Variants in VAV3 observed in about 807,000 individuals in gnomAD.
VAV3 encodes the protein guanine nucleotide exchange factor VAV3.
VAV3 carries 94 observed loss-of-function variants against 131.2 expected under a neutral mutation model. The observed-to-expected ratio is 0.72, with a 90% CI of 0.61 to 0.85. The LOEUF is 0.85. Ranked by LOEUF, VAV3 falls within the 40% of genes least tolerant of loss-of-function variation. The pLI, the probability that VAV3 is intolerant of heterozygous loss-of-function variation, is 0.00. For missense variants in VAV3, 939 were observed against 1,002.7 expected (o/e 0.94, Z 0.86); for synonymous variants, 349 against 342.0 (o/e 1.02, Z -0.22).
intron 17 of VAV3, 88 bp from the exon 18 acceptor site, chr1:107,688,494 A>G: frequency 6.3e-7 from 1 of 1,592,816 alleles, no homozygotes; most frequent in Non-Finnish European, 8.6e-7. Context: ...GTGGTAAAAC[A>G]CCACTGCTTT....
chr1:107,607,519 T>C (rs1463489521), intron 22 of VAV3, among the ~76,000 whole-genome samples: 1 of 152,132 alleles, frequency 6.6e-6, no homozygotes, highest in Non-Finnish European at 1.5e-5. Flanking sequence ...CTAGGCTTGA[T>C]CTTTCCAAAT....
intron 11 of VAV3, among the ~76,000 whole-genome samples, chr1:107,755,840 G>A (rs1664071328): frequency 6.6e-6 from 1 of 152,124 alleles, no homozygotes; most frequent in Admixed American, 6.5e-5. Flanking sequence ...GAAATTCCAA[G>A]CACGTTAATT....
At chr1:107,819,072 T>G (rs1194698636) in intron 2 of VAV3, among the ~76,000 whole-genome samples, 2 of 152,164 alleles carry the variant, frequency 1.3e-5, no homozygotes, top group Non-Finnish European at 2.9e-5. Flanking sequence ...AAAAAAAATA[T>G]AAGCTTTGAA....
intron 2 of VAV3, among the ~76,000 whole-genome samples, chr1:107,843,211 A>C (rs1469071921): frequency 6.6e-6 from 1 of 152,012 alleles, no homozygotes; most frequent in African/African-American, 2.4e-5. Context: ...ACTTGGATTT[A>C]AATCCTGACT....
chr1:107,660,837 C>A (rs1166499396), intron 19 of VAV3, among the ~76,000 whole-genome samples: 11 of 152,022 alleles, frequency 7.2e-5, no homozygotes, highest in Admixed American at 7.2e-4. Context: ...TATTACAAAG[C>A]ATTATGTGTT....
At chr1:107,732,908 C>T (rs1662346099) in intron 15 of VAV3, among the ~76,000 whole-genome samples, 1 of 152,214 alleles carries the variant, frequency 6.6e-6, no homozygotes, top group African/African-American at 2.4e-5. Flanking sequence ...AGACTGCCTC[C>T]TCAAGTGGGT....
Position 107,728,616 on chromosome 1 carries a change from T to TATGTATATGTAC in VAV3, c.1502+20351_1502+20352insGTACATATACAT, listed in dbSNP as rs1358172860. Among the ~76,000 whole-genome samples, 70 of 102,924 alleles carry TATGTATATGTAC rather than the reference T, an allele frequency of 6.8e-4. 1 individual carries two copies. The highest frequency in any genetic ancestry group is 2.2e-3 in the African/African-American group (70 of 31,694). The allele number at this position is 102,924 out of a possible 152,430, so 67.5% of individuals were successfully genotyped here. A position where few individuals can be genotyped will look rare whatever the true frequency, so the allele number is the denominator to read the frequency against. On this transcript the variant is annotated intron_variant, in intron 15 of 26. Coordinates refer to ENST00000370056, the MANE Select transcript of VAV3 (RefSeq NM_006113.5). Reference sequence around the variant, plus strand: ...ATACGTATACGTATATGTATATGTATATGTATATGTATATGTATATGTATA... The same window carrying TATGTATATGTAC: ...ATACGTATACGTATATGTATATGTATATGTATATGTACATGTATATGTATATGTATATGTATA...
intron 20 of VAV3, among the ~76,000 whole-genome samples, chr1:107,638,143 T>C (rs1237798333): frequency 1.3e-5 from 2 of 152,182 alleles, no homozygotes; most frequent in African/African-American, 4.8e-5. Context: ...CTCTAAGATC[T>C]GGAATAAGGC....
In VAV3 at chr1:107,704,590, ACATTCT is replaced by A. The variant is rs1427777382; in HGVS notation, c.1659_1664del (p.Lys553_Cys555delinsAsn). On this transcript the variant is annotated inframe_deletion, in exon 17 of 27. Coordinates refer to ENST00000370056, the MANE Select transcript of VAV3 (RefSeq NM_006113.5). ...TGCCACAATTGTCTACTCTTCCCAAACATTCTTTGTGTGCTCTCGCTCCACACTTAA... is the reference window on the plus strand; with the variant it reads ...TGCCACAATTGTCTACTCTTCCCAAATTGTGTGCTCTCGCTCCACACTTAA... 6.2e-7 allele frequency: 1 copy of A among 1,613,882 alleles called. No individual in the cohort carries two copies. Among genetic ancestry groups the A allele is most frequent in the Non-Finnish European group, 8.5e-7 (1 of 1,179,934 alleles).
At chr1:107,761,280 C>T (rs1427929021) in intron 9 of VAV3, among the ~76,000 whole-genome samples, 1 of 151,366 alleles carries the variant, frequency 6.6e-6, no homozygotes, top group Non-Finnish European at 1.5e-5. Context: ...GTAGTCCCAG[C>T]TACTCAGAAG....
chr1:107,820,873 A>G (rs540981193), intron 2 of VAV3: 20 of 152,304 alleles, frequency 1.3e-4, no homozygotes, highest in African/African-American at 4.8e-4. Flanking sequence ...TTTTTAATGT[A>G]TAATAAGGGG....
At chr1:107,875,179 C>T (rs571021602) in intron 1 of VAV3, among the ~76,000 whole-genome samples, 162 bp from the exon 2 acceptor site, 4 of 152,304 alleles carry the variant, frequency 2.6e-5, no homozygotes, top group African/African-American at 9.6e-5. Context: ...AGCCTGCAGT[C>T]TCTCTCAGGC....
chr1:107,813,628 T>C (rs533220011), intron 2 of VAV3, among the ~76,000 whole-genome samples: 17 of 152,314 alleles, frequency 1.1e-4, no homozygotes, highest in Non-Finnish European at 2.2e-4. Flanking sequence ...AGTCCTCTCT[T>C]CTAGCTATTT....
intron 1 of VAV3, among the ~76,000 whole-genome samples, chr1:107,941,194 AC>A (rs1673974697): frequency 6.6e-6 from 1 of 152,086 alleles, no homozygotes; most frequent in Non-Finnish European, 1.5e-5. Flanking sequence ...TATTTGTAGA[AC>A]CTTTCTTTCC....
intron 19 of VAV3, among the ~76,000 whole-genome samples, chr1:107,643,126 T>C (rs963291853): frequency 6.6e-6 from 1 of 152,192 alleles, no homozygotes; most frequent in African/African-American, 2.4e-5. Flanking sequence ...ATTACTTTCC[T>C]CTTGGGCACT....
intron 10 of VAV3, among the ~76,000 whole-genome samples, 154 bp from the exon 11 acceptor site, chr1:107,757,483 A>C (rs111962195): frequency 1.1e-4 from 17 of 152,318 alleles, no homozygotes; most frequent in Admixed American, 2.6e-4. Context: ...CAAAAATTTC[A>C]AACTGTAAGA....
rs113534423 is a variant in VAV3 at position 107,728,772 on chromosome 1, T to C, written c.1502+20196A>G. Among the ~76,000 whole-genome samples the C allele has an allele frequency of 9.2e-3, 1,396 of 152,170 alleles. 11 individuals are homozygous for C. Among genetic ancestry groups the C allele is most frequent in the Middle Eastern group, 0.034 (10 of 294 alleles). ...AGACTGCTTAGCTAATATAATCTGA[T>C]ACAAAAGTGTTTGCAAGACAAGAAA... On this transcript the variant is annotated intron_variant, in intron 15 of 26. Transcript: ENST00000370056.
intron 2 of VAV3, among the ~76,000 whole-genome samples, chr1:107,782,651 A>G (rs2102238397): frequency 6.6e-6 from 1 of 152,356 alleles, no homozygotes; most frequent in South Asian, 2.1e-4. Context: ...TTGTACACTG[A>G]GTCCATCCGT....
chr1:107,696,545 C>G (rs1170237481), intron 17 of VAV3, among the ~76,000 whole-genome samples: 1 of 152,184 alleles, frequency 6.6e-6, no homozygotes, highest in Non-Finnish European at 1.5e-5. Context: ...CTGATCCACA[C>G]TGATCCAATC....
Sources: allele counts gnomAD v4.1 joint callset (sites outside exome capture counted in the v4.1 genomes callset), GRCh38; gene constraint gnomAD v4.1.1; transcripts MANE v1.5; gene names NCBI Gene and HGNC (gene_info 2026-07-23, HGNC 2026-07-21).